Variants in UTRN observed in about 807,000 individuals in gnomAD.
UTRN encodes utrophin.
Under a neutral mutation model 463.9 loss-of-function variants are expected in UTRN, and 283 were observed. That is an observed-to-expected ratio of 0.61 (90% CI 0.55 to 0.67). The LOEUF is 0.67. Ranked by LOEUF, UTRN falls within the 30% of genes least tolerant of loss-of-function variation. UTRN has a pLI of 0.00. For synonymous variants in UTRN, 1,442 were observed against 1,431.5 expected, an observed-to-expected ratio of 1.01 and a Z score of -0.17; for missense variants, 3,922 against 4,084.3, an observed-to-expected ratio of 0.96 and a Z score of 1.08.
At chr6:144,785,041 A>G (rs1436106241) in intron 61 of UTRN, among the ~76,000 whole-genome samples, 2 of 152,244 alleles carry the variant, frequency 1.3e-5, no homozygotes, top group Non-Finnish European at 2.9e-5. Context: ...AGGTTTCTCT[A>G]ACAACCATGA....
intron 58 of UTRN, among the ~76,000 whole-genome samples, chr6:144,770,345 T>C (rs535735048): frequency 6.6e-6 from 1 of 152,334 alleles, no homozygotes; most frequent in East Asian, 1.9e-4. Flanking sequence ...GATGATATTC[T>C]TTTCCCAGTG....
intron 65 of UTRN, among the ~76,000 whole-genome samples, chr6:144,813,040 A>C (rs1370815605): frequency 6.6e-6 from 1 of 152,148 alleles, no homozygotes; most frequent in South Asian, 2.1e-4. Context: ...CAAAAATGAC[A>C]ATTTCAAGGA....
At chr6:144,436,914 T>C (rs6915169) in intron 10 of UTRN, among the ~76,000 whole-genome samples, 1 of 145,388 alleles carries the variant, frequency 6.9e-6, no homozygotes, top group Non-Finnish European at 1.5e-5. Flanking sequence ...TATTTATATA[T>C]TATATATGTA....
chr6:144,337,195 C>G (rs917540645), intron 2 of UTRN, among the ~76,000 whole-genome samples: 1 of 77,976 alleles, frequency 1.3e-5, no homozygotes, highest in Non-Finnish European at 2.3e-5. Context: ...ACACACACAC[C>G]ACACACACAC....
At chr6:144,787,000 C>T (rs9497078) in intron 61 of UTRN, among the ~76,000 whole-genome samples, 2,605 of 152,252 alleles carry the variant, frequency 0.017, 70 homozygotes, top group African/African-American at 0.059. Flanking sequence ...GGGTGATTGA[C>T]AGCATCAGTT....
chr6:144,848,215 AG>A (rs1325808011), intron 74 of UTRN, among the ~76,000 whole-genome samples: 1 of 152,132 alleles, frequency 6.6e-6, no homozygotes, highest in African/African-American at 2.4e-5. Flanking sequence ...AGAATAGAAG[AG>A]CAGATGGCCT....
At chr6:144,373,543 T>G (rs374740979) in intron 2 of UTRN, among the ~76,000 whole-genome samples, 2 of 152,226 alleles carry the variant, frequency 1.3e-5, no homozygotes, top group East Asian at 3.8e-4. Context: ...GAGTAACTGC[T>G]AATGGGTTTC....
chr6:144,779,016 A>G (rs951023823), intron 60 of UTRN, among the ~76,000 whole-genome samples: 2 of 152,210 alleles, frequency 1.3e-5, no homozygotes, highest in Non-Finnish European at 2.9e-5. Context: ...AAAATTGAAG[A>G]CATGATAGTC....
At chr6:144,508,946 T>G (rs1307084229) in intron 34 of UTRN, among the ~76,000 whole-genome samples, 2 of 152,160 alleles carry the variant, frequency 1.3e-5, no homozygotes, top group African/African-American at 4.8e-5. Flanking sequence ...AATGTACCAG[T>G]TTTTAGAATG....
chr6:144,588,533 G>C (rs2128630411), intron 51 of UTRN, among the ~76,000 whole-genome samples: 1 of 152,224 alleles, frequency 6.6e-6, no homozygotes, highest in African/African-American at 2.4e-5. Context: ...TACAAATCCG[G>C]AACAAATAGA....
In UTRN at chr6:144,494,214, G is replaced by A. The variant is rs1326498763; in HGVS notation, c.4593+758G>A. The stretch of plus-strand genomic sequence containing the variant: ...TGAGTGTTACAGCTCTTAAGGTGGC[G>A]CATCTGGAGTTTGTTCCTTCTGATG... On this transcript the variant is annotated intron_variant, in intron 33 of 74. Coordinates refer to ENST00000367545, the MANE Select transcript of UTRN (RefSeq NM_007124.3). 3.3e-5 allele frequency among the ~76,000 whole-genome samples: 5 copies of A among 152,218 alleles called. 1 individual carries two copies. Among genetic ancestry groups the A allele is most frequent in the South Asian group, 4.2e-4 (2 of 4,810 alleles).
In UTRN at chr6:144,448,700, A is replaced by T; in HGVS notation, c.2003A>T (p.Lys668Met). 1 of 1,614,088 alleles carries T rather than the reference A, an allele frequency of 6.2e-7. No individual in the cohort carries two copies. Among genetic ancestry groups the T allele is most frequent in the African/African-American group, 1.3e-5 (1 of 75,044 alleles). Residue 668 changes from lysine (K) to methionine (M), a missense_variant, in exon 17 of 75, where the codon AAG becomes ATG. By Grantham distance (95) the Lys-to-Met change is moderately conservative (BLOSUM62 -1). Transcript: ENST00000367545. The stretch of plus-strand genomic sequence containing the variant: ...GAACAAGCAATTACAAAAAAATCTA[A>T]GCAGGAACTGCCTCCTCCTCCTCCC... ...VREQAITKKSKQELPPPPPPK... is the reference protein window; with the variant it reads ...VREQAITKKSMQELPPPPPPK...
intron 51 of UTRN, among the ~76,000 whole-genome samples, chr6:144,633,293 G>C (rs1398124394): frequency 2.0e-5 from 3 of 147,298 alleles, no homozygotes; most frequent in East Asian, 2.0e-4. Flanking sequence ...GCAATGGCGC[G>C]ATCTCGGCGC....
At chr6:144,677,459 G>A (rs1158797242) in intron 51 of UTRN, among the ~76,000 whole-genome samples, 1 of 152,022 alleles carries the variant, frequency 6.6e-6, no homozygotes, top group Non-Finnish European at 1.5e-5. Context: ...TCTTTTTTAT[G>A]GCTGTATAGT....
At chr6:144,333,014 A>T (rs1382183815) in intron 2 of UTRN, among the ~76,000 whole-genome samples, 1 of 151,572 alleles carries the variant, frequency 6.6e-6, no homozygotes, top group Non-Finnish European at 1.5e-5. Flanking sequence ...GCTCACTGCA[A>T]CCTCCACTTC....
chr6:144,712,411 G>A lies in UTRN; in HGVS notation c.7809+12168G>A, dbSNP rs144676141. Among the ~76,000 whole-genome samples the A allele has an allele frequency of 2.0e-3, 299 of 152,296 alleles. 4 individuals are homozygous for A. The highest frequency in any genetic ancestry group is 7.0e-3 in the African/African-American group (289 of 41,568). On this transcript the variant is annotated intron_variant, in intron 53 of 74. Coordinates refer to ENST00000367545, the MANE Select transcript of UTRN (RefSeq NM_007124.3). ...ACAGCCTAATAGGTGTCACTCTCTG[G>A]TGGTAAAATTAAGAGTGGATCACAA...
At chr6:144,328,923 A>G (rs1362053848) in intron 2 of UTRN, among the ~76,000 whole-genome samples, 1 of 151,906 alleles carries the variant, frequency 6.6e-6, no homozygotes, top group African/African-American at 2.4e-5. Context: ...AGCTGGGATT[A>G]CAGTTGCAAG....
intron 51 of UTRN, among the ~76,000 whole-genome samples, chr6:144,672,242 TTCTTTG>T (rs962595698): frequency 6.6e-6 from 1 of 151,752 alleles, no homozygotes; most frequent in African/African-American, 2.4e-5. Context: ...GTACCAGTTC[TTCTTTG>T]AATGTCTGAT....
rs1291702104 is a variant in UTRN at position 144,448,714 on chromosome 6, C to T, written c.2017C>T (p.Pro673Ser). 1.9e-6 allele frequency: 3 copies of T among 1,613,944 alleles called. No homozygotes were observed. The South Asian group carries it at 3.3e-5, about 18-fold the overall frequency. The change falls in exon 17 of 75, where the codon CCT becomes TCT. Residue 673 changes from proline (P) to serine (S), a missense_variant. By Grantham distance (74) the Pro-to-Ser change is moderately conservative. Around this residue, in one of 3 missense-constraint regions of UTRN, gnomAD observed 2,349 missense variants for 2,303.8 expected, o/e 1.02. Coordinates refer to ENST00000367545, the MANE Select transcript of UTRN (RefSeq NM_007124.3). ...ITKKSKQELP[P>S]PPPPKKRQIH... ...AAAAAAATCTAAGCAGGAACTGCCTCCTCCTCCTCCCCCAAAGAAGAGACA... is the reference window on the plus strand; with the variant it reads ...AAAAAAATCTAAGCAGGAACTGCCTTCTCCTCCTCCCCCAAAGAAGAGACA...
Sources: allele counts gnomAD v4.1 joint callset (sites outside exome capture counted in the v4.1 genomes callset), GRCh38; gene constraint gnomAD v4.1.1; regional missense constraint gnomAD v4.1.1; transcripts MANE v1.5; gene names NCBI Gene and HGNC (gene_info 2026-07-23, HGNC 2026-07-21).